Variants in ZGPAT observed in about 807,000 individuals in gnomAD.
ZGPAT encodes the protein zinc finger CCCH-type and G-patch domain containing, also known as zinc finger CCCH-type with G patch domain-containing protein.
In ZGPAT, 39 loss-of-function variants were observed where a neutral mutation model predicts 47.9. The observed-to-expected ratio is 0.81, with a 90% confidence interval of 0.63 to 1.06. The LOEUF (loss-of-function observed/expected upper bound fraction) is 1.06, where lower values mean the gene tolerates loss of function less well. Ranked by LOEUF, ZGPAT falls within the 50% of genes least tolerant of loss-of-function variation. The probability of loss-of-function intolerance (pLI) is 0.00; values close to 1 mark genes in which losing one functional copy is unlikely to be tolerated. For missense variants in ZGPAT, 717 were observed against 681.4 expected (o/e 1.05, Z -0.58); for synonymous variants, 348 against 292.9 (o/e 1.19, Z -1.92).
rs1327509218 is a variant in ZGPAT at position 63,733,203 on chromosome 20, AC to A, written c.585-15del. The A allele has an allele frequency of 6.2e-7, 1 of 1,611,538 alleles. No homozygotes were observed. On this transcript the variant is annotated splice_polypyrimidine_tract_variant and intron_variant, in intron 2 of 6. Transcript: ENST00000355969. ...GGCCCATGTCTGAGCCCTGCCCCTT[AC>A]GGCTCTGTCTGCAGGTTCTCCCATG...
At chr20:63,732,331 ACG>A (rs1601344833) in intron 2 of ZGPAT, among the ~76,000 whole-genome samples, 1 of 39,666 alleles carries the variant, frequency 2.5e-5, no homozygotes, top group Non-Finnish European at 5.3e-5. Context: ...ATGTGTGTGC[ACG>A]TGTGTGGGTG....
At chr20:63,733,872 C>A in intron 4 of ZGPAT, 133 bp downstream of exon 4, 1 of 1,211,498 alleles carries the variant, frequency 8.3e-7, no homozygotes, top group Non-Finnish European at 1.1e-6. Context: ...GCCACCTGTG[C>A]CTGAGGAGGC....
chr20:63,709,021 TCA>T lies in ZGPAT; in HGVS notation c.444_445del (p.His148GlnfsTer43). 6.2e-7 allele frequency: 1 copy of T among 1,613,560 alleles called. No homozygotes were observed. Among genetic ancestry groups the T allele is most frequent in the Non-Finnish European group, 8.5e-7 (1 of 1,179,970 alleles). Reference protein sequence around the residue: ...YYSSWGTLEYHNAMVVGTEEA... With the variant: ...YYSSWGTLEYXNAMVVGTEEA... Reference sequence around the variant, plus strand: ...ACAGCTCCTGGGGCACTCTGGAGTATCACAACGCCATGGTGGTGGGAACGGAA... The same window carrying T: ...ACAGCTCCTGGGGCACTCTGGAGTATCAACGCCATGGTGGTGGGAACGGAA... On this transcript the variant is annotated frameshift_variant, in exon 2 of 7. Transcript: ENST00000355969. LOFTEE classifies it high-confidence loss of function.
rs1253396785 is a variant in ZGPAT at position 63,710,139 on chromosome 20, C to A, written c.584+975C>A. On this transcript the variant is annotated intron_variant, in intron 2 of 6. Transcript: ENST00000355969. Reference sequence around the variant, plus strand: ...CCTCCCAAAGTGCTGGGATGACAAGCGTGAGCCACCGCGCCTGGCCTTTTT... The same window carrying A: ...CCTCCCAAAGTGCTGGGATGACAAGAGTGAGCCACCGCGCCTGGCCTTTTT... Among the ~76,000 whole-genome samples, 4 of 149,486 alleles carry A rather than the reference C, an allele frequency of 2.7e-5. No individual in the cohort carries two copies. The East Asian group carries it at 8.0e-4, about 30-fold the overall frequency.
At chr20:63,732,198 C>T (rs1017166834) in intron 2 of ZGPAT, among the ~76,000 whole-genome samples, 10 of 139,834 alleles carry the variant, frequency 7.2e-5, no homozygotes, top group African/African-American at 8.2e-5. Flanking sequence ...TGTGTGGGTG[C>T]GGGTGCATCT....
chr20:63,713,646 G>C lies in ZGPAT; in HGVS notation c.584+4482G>C, dbSNP rs557717422. Among the ~76,000 whole-genome samples the C allele has an allele frequency of 2.5e-3, 374 of 151,322 alleles. 1 individual carries two copies. Among genetic ancestry groups the C allele is most frequent in the South Asian group, 4.6e-3 (22 of 4,756 alleles). On this transcript the variant is annotated intron_variant, in intron 2 of 6. Transcript: ENST00000355969. ...AGCACTTTGGGAGGCCAAGGCGGGT[G>C]GATCACCTGTGGTCAGGAGTTCGAG...
intron 2 of ZGPAT, among the ~76,000 whole-genome samples, chr20:63,723,362 GACACAGCTCCATCC>G (rs1488599872): frequency 0.012 from 1,399 of 116,346 alleles, 21 homozygotes; most frequent in Non-Finnish European, 0.018. Flanking sequence ...CTTCTCCTAT[GACACAGCTCCATCC>G]TCCCTTCTCC....
intron 2 of ZGPAT, among the ~76,000 whole-genome samples, chr20:63,714,405 G>A (rs111790321): frequency 0.01 from 1,398 of 139,364 alleles, 12 homozygotes; most frequent in Non-Finnish European, 0.015. Context: ...CAGCCTGGAC[G>A]ACAGAGCAAG....
In ZGPAT at chr20:63,735,529, G is replaced by A. The variant is rs2091976548; in HGVS notation, c.1362G>A (p.Arg454=). The stretch of plus-strand genomic sequence containing the variant: ...TCGAGCGAACCCAGCGGGACATCAG[G>A]AGCATCCAGGAGGCTCTCGCCCGCA... ...EKIERTQRDI[R]SIQEALARNA... is the part of the protein sequence containing the mutation. The change falls in exon 6 of 7, where the codon AGG becomes AGA. Residue 454 remains arginine, a synonymous_variant. Coordinates refer to ENST00000355969, the MANE Select transcript of ZGPAT (RefSeq NM_181485.3). The A allele has an allele frequency of 6.6e-7, 1 of 1,519,516 alleles. No individual in the cohort carries two copies. Among genetic ancestry groups the A allele is most frequent in the Admixed American group, 2.2e-5 (1 of 44,658 alleles). 94.1% of individuals were successfully genotyped at this position (1,519,516 alleles called of 1,614,324 possible).
chr20:63,710,355 T>A (rs1442101407), intron 2 of ZGPAT, among the ~76,000 whole-genome samples: 1 of 150,966 alleles, frequency 6.6e-6, no homozygotes, highest in Non-Finnish European at 1.5e-5. Flanking sequence ...AGATTCACCA[T>A]CTTGGCCAGG....
At chr20:63,731,612 G>C (rs569753524) in intron 2 of ZGPAT, among the ~76,000 whole-genome samples, 1 of 146,144 alleles carries the variant, frequency 6.8e-6, no homozygotes, top group Middle Eastern at 3.6e-3. Context: ...GTTGGCCCTT[G>C]GTGTGTGTGT....
chr20:63,717,746 A>G (rs1481592633), intron 2 of ZGPAT, among the ~76,000 whole-genome samples: 6 of 152,078 alleles, frequency 3.9e-5, no homozygotes, highest in Admixed American at 2.6e-4. Context: ...AATTTCTTTT[A>G]TAAGTTTTTG....
Position 63,735,321 on chromosome 20 carries a change from C to T in ZGPAT, c.1154C>T (p.Pro385Leu), listed in dbSNP as rs1416236797. The part of the protein sequence containing the change: ...PPRCRGRGAR[P>L]GGRPAPRNVF... Reference sequence around the variant, plus strand: ...AGGTGCCGGGGAAGAGGGGCCAGGCCTGGGGGCCGCCCAGCTCCTCGGAAT... The same window carrying T: ...AGGTGCCGGGGAAGAGGGGCCAGGCTTGGGGGCCGCCCAGCTCCTCGGAAT... The change falls in exon 6 of 7, where the codon CCT becomes CTT. Residue 385 changes from proline to leucine, a missense_variant. Pro to Leu is a moderately conservative substitution (Grantham distance 98). Transcript: ENST00000355969. The T allele has an allele frequency of 2.5e-6, 4 of 1,581,698 alleles. No individual in the cohort carries two copies. In the South Asian group the frequency reaches 3.5e-5, roughly 14 times the overall value.
At chr20:63,712,437 C>G (rs1601317239) in intron 2 of ZGPAT, among the ~76,000 whole-genome samples, 1 of 152,206 alleles carries the variant, frequency 6.6e-6, no homozygotes, top group Non-Finnish European at 1.5e-5. Flanking sequence ...TAGTTATTCA[C>G]CATTTGCTCC....
intron 2 of ZGPAT, among the ~76,000 whole-genome samples, chr20:63,730,970 C>CTCTGTG (rs1237935541): frequency 8.7e-6 from 1 of 115,198 alleles, no homozygotes; most frequent in Non-Finnish European, 1.7e-5. Context: ...CTCTCTCTCT[C>CTCTGTG]TGTGTGTGTG....
At chr20:63,728,157 C>T (rs917942206) in intron 2 of ZGPAT, among the ~76,000 whole-genome samples, 3 of 151,918 alleles carry the variant, frequency 2.0e-5, no homozygotes, top group Non-Finnish European at 2.9e-5. Context: ...CTGCCTCAGC[C>T]TCCCAAGTAG....
intron 4 of ZGPAT, 71 bp from the exon 5 acceptor site, chr20:63,734,634 A>G (rs2091959143): frequency 1.9e-6 from 3 of 1,589,302 alleles, no homozygotes; most frequent in South Asian, 1.1e-5. Context: ...CCCTCTGTCC[A>G]TCTCTTGCAG....
intron 6 of ZGPAT, 80 bp downstream of exon 6, chr20:63,735,644 C>T (rs1277531572): frequency 2.0e-6 from 3 of 1,495,760 alleles, no homozygotes; most frequent in Non-Finnish European, 2.7e-6. Context: ...GGTCACCTGA[C>T]CCAAGCATAG....
intron 2 of ZGPAT, among the ~76,000 whole-genome samples, chr20:63,728,456 C>T (rs1338516275): frequency 1.3e-5 from 2 of 152,222 alleles, no homozygotes; most frequent in Non-Finnish European, 2.9e-5. Flanking sequence ...AAAGGCTCCC[C>T]ACCACACCAT....
Sources: gnomAD v4.1 joint callset for allele counts (sites outside exome capture counted in the v4.1 genomes callset) on GRCh38, gnomAD v4.1.1 for gene constraint, MANE v1.5 for transcripts, NCBI Gene and HGNC (gene_info 2026-07-23, HGNC 2026-07-21) for gene names.